RTN1: variants seen among roughly 807,000 people sequenced by gnomAD.
The protein encoded by RTN1 is reticulon 1, also known as reticulon-1.
In RTN1, 25 loss-of-function variants were observed where a neutral mutation model predicts 65.5. The ratio of observed to expected loss-of-function variants is 0.38; its 90% CI spans 0.28 to 0.53. The LOEUF is 0.53. Among genes scored for constraint, RTN1 ranks in the 20% least tolerant of loss-of-function variants. The probability of loss-of-function intolerance (pLI) is 0.79; values close to 1 mark genes in which losing one functional copy is unlikely to be tolerated. For synonymous variants in RTN1, 471 were observed against 447.6 expected (o/e 1.05, Z -0.66); for missense variants, 983 against 1,025.4 (o/e 0.96, Z 0.57).
At chr14:59,676,173 T>C (rs565420207) in intron 3 of RTN1, among the ~76,000 whole-genome samples, 5 of 152,120 alleles carry the variant, frequency 3.3e-5, no homozygotes, top group Non-Finnish European at 7.4e-5. Context: ...TCAAAGTTAA[T>C]AGGAAAAAAA....
intron 1 of RTN1, among the ~76,000 whole-genome samples, chr14:59,851,541 T>G (rs183194586): frequency 3.9e-5 from 6 of 152,336 alleles, no homozygotes; most frequent in African/African-American, 1.4e-4. Flanking sequence ...TGATTTTTTT[T>G]TGTTCCTTAA....
intron 3 of RTN1, among the ~76,000 whole-genome samples, chr14:59,618,902 A>C (rs1659410552): frequency 6.6e-6 from 1 of 152,222 alleles, no homozygotes; most frequent in Non-Finnish European, 1.5e-5. Flanking sequence ...AGAAATCATA[A>C]AATTTGGATC....
chr14:59,870,573 G>C lies in RTN1; in HGVS notation c.58C>G (p.Gln20Glu). ...ELLPLAGPGS[Q>E]WLRHRGEGEN... ...CCCTCCCCCCGGTGCCTGAGCCACTGGGACCCGGGGCCGGCCAGCGGCAGC... is the reference window on the plus strand; with the variant it reads ...CCCTCCCCCCGGTGCCTGAGCCACTCGGACCCGGGGCCGGCCAGCGGCAGC... Residue 20 changes from glutamine (Q) to glutamate (E), a missense_variant, in exon 1 of 9, where the codon CAG becomes GAG. This residue lies in a region of RTN1 where 818 missense variants were observed against 801.8 expected (regional missense o/e 1.02). Transcript: ENST00000267484. The surrounding 1 kb of genome is among the most constrained non-coding windows in gnomAD (Gnocchi z 5.1). 2 of 1,454,602 alleles carry C rather than the reference G, an allele frequency of 1.4e-6. No individual in the cohort carries two copies. Among genetic ancestry groups the C allele is most frequent in the Non-Finnish European group, 1.8e-6 (2 of 1,108,698 alleles). 90.1% of individuals were successfully genotyped at this position (1,454,602 alleles called of 1,614,324 possible). A position where few individuals can be genotyped will look rare whatever the true frequency, so the allele number is the denominator to read the frequency against.
chr14:59,694,563 G>T (rs559854914), intron 3 of RTN1, among the ~76,000 whole-genome samples: 40 of 152,082 alleles, frequency 2.6e-4, no homozygotes, highest in Non-Finnish European at 5.0e-4. Context: ...AATTTGCACG[G>T]TGCAAAAACA....
chr14:59,753,786 C>T (rs1021203421), intron 1 of RTN1, among the ~76,000 whole-genome samples: 4 of 152,202 alleles, frequency 2.6e-5, no homozygotes, highest in African/African-American at 9.7e-5. Context: ...CAGGTAGGAA[C>T]TCACATTGCC....
At chr14:59,833,191 G>A (rs1291539628) in intron 1 of RTN1, among the ~76,000 whole-genome samples, 3 of 152,092 alleles carry the variant, frequency 2.0e-5, no homozygotes, top group African/African-American at 7.2e-5. Flanking sequence ...GCAGCCTCAG[G>A]AGAAAAAATA....
chr14:59,619,894 G>T (rs1882208434), intron 3 of RTN1, among the ~76,000 whole-genome samples: 1 of 152,140 alleles, frequency 6.6e-6, no homozygotes, highest in Admixed American at 6.5e-5. Flanking sequence ...TCATAACTTT[G>T]CAGGGGGCAC....
Position 59,846,843 on chromosome 14 carries a change from G to A in RTN1, c.241+23547C>T, listed in dbSNP as rs1594765489. 1.3e-5 allele frequency among the ~76,000 whole-genome samples: 2 copies of A among 152,182 alleles called. No homozygotes were observed. Among genetic ancestry groups the A allele is most frequent in the African/African-American group, 2.4e-5 (1 of 41,452 alleles). ...GACAGCCATATGCACTCTCAGAGAA[G>A]CAGCCACTTTGATGAGACTGATTTT... On this transcript the variant is annotated intron_variant, in intron 1 of 8. Coordinates refer to ENST00000267484, the MANE Select transcript of RTN1 (RefSeq NM_021136.3). This position sits in a 1 kb window ranked among gnomAD's most constrained non-coding sequence, Gnocchi z 4.8.
At chr14:59,648,422 TCCTCC>T (rs1566672073) in intron 3 of RTN1, among the ~76,000 whole-genome samples, 2 of 152,168 alleles carry the variant, frequency 1.3e-5, no homozygotes, top group East Asian at 3.9e-4. Flanking sequence ...GAGAAGGGAC[TCCTCC>T]CCAACTAATT....
At chr14:59,722,586 C>T (rs1319240505) in intron 3 of RTN1, among the ~76,000 whole-genome samples, 3 of 151,970 alleles carry the variant, frequency 2.0e-5, no homozygotes, top group Non-Finnish European at 4.4e-5. Flanking sequence ...TCCATGAGAG[C>T]TGATATTGTC....
intron 3 of RTN1, among the ~76,000 whole-genome samples, chr14:59,674,355 C>A (rs1464419309): frequency 1.3e-5 from 2 of 152,018 alleles, no homozygotes. Flanking sequence ...CAGGCATGGA[C>A]TAGATGCTGG....
At chr14:59,647,855 A>G (rs779497029) in intron 3 of RTN1, among the ~76,000 whole-genome samples, 6 of 152,308 alleles carry the variant, frequency 3.9e-5, no homozygotes, top group African/African-American at 1.4e-4. Flanking sequence ...TCTCAAATGT[A>G]TAACCTAACC....
At chr14:59,769,573 A>C (rs1489919575) in intron 1 of RTN1, among the ~76,000 whole-genome samples, 3 of 152,224 alleles carry the variant, frequency 2.0e-5, no homozygotes, top group Non-Finnish European at 4.4e-5. Context: ...GAATCTGAGA[A>C]AGTAGAAAAC....
At chr14:59,635,064 C>A (rs1882634079) in intron 3 of RTN1, among the ~76,000 whole-genome samples, 1 of 152,124 alleles carries the variant, frequency 6.6e-6, no homozygotes, top group Non-Finnish European at 1.5e-5. Flanking sequence ...TTATGACAGT[C>A]AATCAGCCCT....
chr14:59,720,549 C>T (rs559104073), intron 3 of RTN1, among the ~76,000 whole-genome samples: 1 of 152,068 alleles, frequency 6.6e-6, no homozygotes, highest in Non-Finnish European at 1.5e-5. Flanking sequence ...CAGCAAAACC[C>T]TGTCTCTACC....
intron 1 of RTN1, among the ~76,000 whole-genome samples, chr14:59,748,369 C>T (rs749609290): frequency 1.3e-5 from 2 of 152,044 alleles, no homozygotes; most frequent in African/African-American, 4.8e-5. Flanking sequence ...CACTTTCCTA[C>T]CTCAGCGGCT....
intron 1 of RTN1, among the ~76,000 whole-genome samples, chr14:59,847,198 AT>A (rs1202504643): frequency 2.0e-5 from 3 of 152,162 alleles, no homozygotes; most frequent in Non-Finnish European, 4.4e-5. Context: ...ATAAAATATC[AT>A]TGTTTCTTTA....
intron 1 of RTN1, among the ~76,000 whole-genome samples, chr14:59,827,266 G>C (rs1311451109): frequency 6.6e-6 from 1 of 152,112 alleles, no homozygotes; most frequent in East Asian, 1.9e-4. Flanking sequence ...TTTTAGTAGA[G>C]ATGGGGTTTC....
intron 1 of RTN1, among the ~76,000 whole-genome samples, chr14:59,852,694 C>A (rs1887530829): frequency 6.6e-6 from 1 of 152,178 alleles, no homozygotes; most frequent in African/African-American, 2.4e-5. Context: ...AATATGGAAT[C>A]TCCAAATCCT....
Sources: gnomAD v4.1 joint callset for allele counts (sites outside exome capture counted in the v4.1 genomes callset) on GRCh38, gnomAD v4.1.1 for gene constraint, gnomAD v4.1.1 regional missense constraint, Gnocchi (gnomAD v3.1) non-coding constraint, MANE v1.5 for transcripts, NCBI Gene and HGNC (gene_info 2026-07-23, HGNC 2026-07-21) for gene names.